PPP2R2C: variants seen among roughly 807,000 people sequenced by gnomAD.
The protein encoded by PPP2R2C is protein phosphatase 2 regulatory subunit Bgamma, also known as protein phosphatase 2, regulatory subunit B, gamma.
Under a neutral mutation model 45.3 loss-of-function variants are expected in PPP2R2C, and 10 were observed. The observed-to-expected ratio is 0.22, with a 90% CI of 0.14 to 0.37. The LOEUF is 0.37. PPP2R2C is among the 10% of genes least tolerant of loss of function. The pLI is 1.00. For synonymous variants in PPP2R2C, 257 were observed against 245.4 expected (o/e 1.05, Z -0.44); for missense variants, 308 against 619.7 (o/e 0.50, Z 5.34).
Position 6,382,027 on chromosome 4 carries a change from C to T in PPP2R2C, c.71-933G>A, listed in dbSNP as rs909485303. 5 of 1,409,674 alleles carry T rather than the reference C, an allele frequency of 3.5e-6. No individual in the cohort carries two copies. In the East Asian group the frequency reaches 1.1e-4, roughly 30 times the overall value. 87.3% of individuals were successfully genotyped at this position (1,409,674 alleles called of 1,614,324 possible). ...TGGAAGAGAAACCCCCACTGGAGGA[C>T]AGCTCACCAACCTGAAGCCTGAGGC... On this transcript the variant is annotated intron_variant, in intron 1 of 8. Transcript: ENST00000382599.
intron 2 of PPP2R2C, among the ~76,000 whole-genome samples, chr4:6,506,477 C>T (rs191221420): frequency 1.5e-4 from 23 of 152,274 alleles, no homozygotes; most frequent in Admixed American, 1.4e-3. Context: ...CAGGACACAG[C>T]CACAAAACTA....
At chr4:6,339,909 AAGC>A (rs1482716315) in intron 6 of PPP2R2C, among the ~76,000 whole-genome samples, 1 of 152,146 alleles carries the variant, frequency 6.6e-6, no homozygotes, top group Admixed American at 6.5e-5. Flanking sequence ...AGGGTCCGAG[AAGC>A]AGAAGAAGGA....
At chr4:6,366,643 GC>G (rs897370033) in intron 5 of PPP2R2C, among the ~76,000 whole-genome samples, 48 of 152,326 alleles carry the variant, frequency 3.2e-4, no homozygotes, top group African/African-American at 1.1e-3. Context: ...CAGGTCAGAG[GC>G]TGTCCCAGAT....
Position 6,503,122 on chromosome 4 carries a change from T to C in PPP2R2C, c.49+32149A>G, listed in dbSNP as rs113614340. ...ACTGCTGCAGACTTTAACAGCTTCCTGTCCACTGCAGCAAACCCAGATTCC... is the reference window on the plus strand; with the variant it reads ...ACTGCTGCAGACTTTAACAGCTTCCCGTCCACTGCAGCAAACCCAGATTCC... On this transcript the variant is annotated intron_variant, in intron 2 of 9. Coordinates refer to the PPP2R2C transcript ENST00000506140. Among the ~76,000 whole-genome samples, 6 of 152,284 alleles carry C rather than the reference T, an allele frequency of 3.9e-5. No individual in the cohort carries two copies. In the South Asian group the frequency reaches 1.2e-3, roughly 32 times the overall value.
intron 2 of PPP2R2C, among the ~76,000 whole-genome samples, chr4:6,521,119 C>T (rs1030333600): frequency 2.6e-5 from 4 of 152,302 alleles, no homozygotes; most frequent in African/African-American, 7.2e-5. Context: ...CACACAGCAT[C>T]GGTGGCCACA....
Position 6,368,799 on chromosome 4 carries a change from C to T in PPP2R2C, c.625+3724G>A, listed in dbSNP as rs55770433. ...TCCTTGCTGGTTCCCAAGCCGCCAG[C>T]CTTGTCTGCTGGAATCCAATCCACC... On this transcript the variant is annotated intron_variant, in intron 5 of 8. Coordinates refer to ENST00000382599, the MANE Select transcript of PPP2R2C (RefSeq NM_020416.4). This position sits in a 1 kb window ranked among gnomAD's most constrained non-coding sequence, Gnocchi z 4.2. Among the ~76,000 whole-genome samples the T allele has an allele frequency of 6.6e-6, 1 of 152,108 alleles. No individual in the cohort carries two copies. Among genetic ancestry groups the T allele is most frequent in the African/African-American group, 2.4e-5 (1 of 41,422 alleles).
At chr4:6,560,875 C>T (rs1725551948) in intron 1 of PPP2R2C, among the ~76,000 whole-genome samples, 1 of 152,238 alleles carries the variant, frequency 6.6e-6, no homozygotes, top group Admixed American at 6.5e-5. Flanking sequence ...CCTGCCACCT[C>T]CCCAACCTGG....
rs909814374 is a variant in PPP2R2C, at chr4:6,462,642, C to G, written c.70+9518G>C. ...AACCACCCAACCATAAGAGACATTT[C>G]TCAGACAACTGGGGACGTTCATAAA... is the stretch of plus-strand genomic sequence containing the variant. On this transcript the variant is annotated intron_variant, in intron 1 of 8. Transcript: ENST00000382599. Among the ~76,000 whole-genome samples the G allele has an allele frequency of 2.6e-5, 4 of 152,294 alleles. No individual in the cohort carries two copies. In the South Asian group the frequency reaches 8.3e-4, roughly 32 times the overall value.
At chr4:6,376,646 G>GT in intron 3 of PPP2R2C, among the ~76,000 whole-genome samples, 1 of 152,198 alleles carries the variant, frequency 6.6e-6, no homozygotes, top group Non-Finnish European at 1.5e-5. Context: ...TAGAGATAGA[G>GT]TCTCACCACG....
At chr4:6,445,191 C>T (rs1330107714) in intron 1 of PPP2R2C, among the ~76,000 whole-genome samples, 1 of 147,390 alleles carries the variant, frequency 6.8e-6, no homozygotes, top group Non-Finnish European at 1.5e-5. Context: ...CCTGTCTCAA[C>T]AAAAGCAAAA....
chr4:6,352,291 C>A (rs959182976), intron 5 of PPP2R2C, among the ~76,000 whole-genome samples: 1 of 152,210 alleles, frequency 6.6e-6, no homozygotes, highest in African/African-American at 2.4e-5. Flanking sequence ...TTCCATTCTG[C>A]AAGCCTTGCT....
At chr4:6,529,810 G>A (rs2108821297) in intron 2 of PPP2R2C, among the ~76,000 whole-genome samples, 1 of 152,304 alleles carries the variant, frequency 6.6e-6, no homozygotes, top group Middle Eastern at 3.4e-3. Flanking sequence ...GTGAAATGAA[G>A]AACAGTGGGT....
At chr4:6,422,517 T>C (rs1462574557) in intron 1 of PPP2R2C, among the ~76,000 whole-genome samples, 3 of 152,222 alleles carry the variant, frequency 2.0e-5, no homozygotes, top group Admixed American at 6.5e-5. Context: ...ACTGTGCCAC[T>C]TAAACAAAAG....
chr4:6,346,670 C>A (rs1237318935), intron 6 of PPP2R2C, among the ~76,000 whole-genome samples: 4 of 152,144 alleles, frequency 2.6e-5, no homozygotes, highest in African/African-American at 7.2e-5. Flanking sequence ...GATGTGGGGG[C>A]CAGAACTTGG....
intron 1 of PPP2R2C, among the ~76,000 whole-genome samples, chr4:6,422,053 A>ATTTT (rs33996768): frequency 6.7e-6 from 1 of 149,352 alleles, no homozygotes; most frequent in Non-Finnish European, 1.5e-5. Context: ...CATTGGTGCA[A>ATTTT]TTTTTTTTTT....
At position 6,529,003 on chromosome 4, in the gene PPP2R2C, G is replaced by A. The variant is rs548577331; in HGVS notation, c.49+6268C>T. 2.2e-4 allele frequency among the ~76,000 whole-genome samples: 33 copies of A among 152,306 alleles called. No individual in the cohort carries two copies. In the South Asian group the frequency reaches 5.4e-3, roughly 25 times the overall value. On this transcript the variant is annotated intron_variant, in intron 2 of 9. Coordinates refer to the PPP2R2C transcript ENST00000506140. Reference sequence around the variant, plus strand: ...AGCCTGTTTGGTGGTCTCTTCACACGGACGCGCACTAAACTTACTTTATTT... The same window carrying A: ...AGCCTGTTTGGTGGTCTCTTCACACAGACGCGCACTAAACTTACTTTATTT...
At chr4:6,344,678 C>G (rs1327189065) in intron 6 of PPP2R2C, among the ~76,000 whole-genome samples, 1 of 152,122 alleles carries the variant, frequency 6.6e-6, no homozygotes, top group Non-Finnish European at 1.5e-5. Context: ...AGAAAATATT[C>G]CATCAGTTTC....
At chr4:6,361,975 G>C (rs576202726) in intron 5 of PPP2R2C, among the ~76,000 whole-genome samples, 122 of 152,302 alleles carry the variant, frequency 8.0e-4, no homozygotes, top group African/African-American at 2.8e-3. Context: ...GAAGCCCATG[G>C]TGAGTAGGAA....
intron 1 of PPP2R2C, among the ~76,000 whole-genome samples, chr4:6,427,878 A>C (rs1165196070): frequency 6.6e-6 from 1 of 152,208 alleles, no homozygotes; most frequent in Non-Finnish European, 1.5e-5. Flanking sequence ...GGGCACAGGC[A>C]GGACTCTGGG....
Sources: allele counts gnomAD v4.1 joint callset (sites outside exome capture counted in the v4.1 genomes callset), GRCh38; gene constraint gnomAD v4.1.1; non-coding constraint Gnocchi (gnomAD v3.1); transcripts MANE v1.5; gene names NCBI Gene and HGNC (gene_info 2026-07-23, HGNC 2026-07-21).